The following RIMS2 variants were observed in gnomAD, a reference collection of about 807,000 sequenced individuals.
The protein encoded by RIMS2 is regulating synaptic membrane exocytosis 2, also known as regulating synaptic membrane exocytosis protein 2.
Under a neutral mutation model 174.4 loss-of-function variants are expected in RIMS2, and 59 were observed. The observed-to-expected ratio is 0.34, with a 90% CI of 0.27 to 0.42. The LOEUF (loss-of-function observed/expected upper bound fraction) is 0.42, where lower values mean the gene tolerates loss of function less well. Among genes scored for constraint, RIMS2 ranks in the 10% least tolerant of loss-of-function variants. The pLI is 1.00. For synonymous variants in RIMS2, 606 were observed against 572.5 expected (o/e 1.06, Z -0.84); for missense variants, 1,620 against 1,666.3 (o/e 0.97, Z 0.48).
At chr8:103,706,837 G>A (rs909841650) in intron 2 of RIMS2, among the ~76,000 whole-genome samples, 7 of 151,898 alleles carry the variant, frequency 4.6e-5, no homozygotes, top group African/African-American at 1.7e-4. Context: ...CTTTCTCTAG[G>A]TTTGGAAAGT....
At chr8:103,574,402 G>A (rs1298493381) in intron 1 of RIMS2, among the ~76,000 whole-genome samples, 3 of 152,126 alleles carry the variant, frequency 2.0e-5, no homozygotes, top group African/African-American at 4.8e-5. Flanking sequence ...ATAAAAGCAA[G>A]CATCTCACAG....
intron 1 of RIMS2, among the ~76,000 whole-genome samples, chr8:103,529,108 G>A (rs558575696): frequency 3.9e-5 from 6 of 152,226 alleles, no homozygotes; most frequent in South Asian, 2.1e-4. Context: ...GGTCCTTCAC[G>A]TCCCTGTAAG....
At chr8:104,037,636 CAT>C (rs755197236) in intron 19 of RIMS2, among the ~76,000 whole-genome samples, 5 of 152,108 alleles carry the variant, frequency 3.3e-5, no homozygotes, top group South Asian at 4.1e-4. Context: ...GAACTTGAGA[CAT>C]GTGTTCAGTT....
At chr8:103,598,440 T>G (rs1011892326) in intron 1 of RIMS2, among the ~76,000 whole-genome samples, 2 of 152,198 alleles carry the variant, frequency 1.3e-5, no homozygotes, top group Non-Finnish European at 2.9e-5. Context: ...TTCATCTTCC[T>G]ATTCGTAATC....
At chr8:103,580,962 T>TG (rs1193581211) in intron 1 of RIMS2, among the ~76,000 whole-genome samples, 1 of 151,336 alleles carries the variant, frequency 6.6e-6, no homozygotes, top group Admixed American at 6.6e-5. Flanking sequence ...CCCGGGTAGC[T>TG]GGGACTACAG....
At chr8:103,974,925 GA>G (rs1031307183) in intron 15 of RIMS2, among the ~76,000 whole-genome samples, 5 of 151,498 alleles carry the variant, frequency 3.3e-5, no homozygotes, top group African/African-American at 7.3e-5. Flanking sequence ...TTTTATCACT[GA>G]AAAAAAAGAT....
At chr8:103,605,980 T>A (rs1298327506) in intron 1 of RIMS2, among the ~76,000 whole-genome samples, 1 of 146,264 alleles carries the variant, frequency 6.8e-6, no homozygotes, top group Non-Finnish European at 1.5e-5. Context: ...TTTTGAAGGG[T>A]TTTTTGTGTC....
intron 20 of RIMS2, 90 bp downstream of exon 26, chr8:104,245,147 T>TC: frequency 7.8e-7 from 1 of 1,286,988 alleles, no homozygotes; most frequent in South Asian, 1.4e-5. Context: ...ACTCTCATGC[T>TC]CTTCAGAACC....
intron 1 of RIMS2, among the ~76,000 whole-genome samples, chr8:103,587,169 A>G (rs2093968899): frequency 6.6e-6 from 1 of 151,994 alleles, no homozygotes; most frequent in Non-Finnish European, 1.5e-5. Flanking sequence ...GAAATCCAAA[A>G]CCTGAACAGA....
intron 19 of RIMS2, among the ~76,000 whole-genome samples, chr8:104,173,772 G>A (rs1361143424): frequency 1.3e-5 from 2 of 150,322 alleles, no homozygotes; most frequent in African/African-American, 4.9e-5. Flanking sequence ...GGGACTACAG[G>A]CACCCGCCAC....
intron 19 of RIMS2, among the ~76,000 whole-genome samples, chr8:104,196,697 G>GT (rs1222923593): frequency 2.6e-5 from 4 of 152,038 alleles, no homozygotes; most frequent in Admixed American, 2.6e-4. Flanking sequence ...GAAGTCCAAA[G>GT]TTTATAAGCT....
At chr8:103,648,525 C>T (rs1380646689) in intron 1 of RIMS2, among the ~76,000 whole-genome samples, 4 of 152,034 alleles carry the variant, frequency 2.6e-5, no homozygotes, top group African/African-American at 9.7e-5. Flanking sequence ...TGATCTGTCT[C>T]ATATTGACAG....
At chr8:103,523,229 A>G (rs1436967517) in intron 1 of RIMS2, among the ~76,000 whole-genome samples, 1 of 152,072 alleles carries the variant, frequency 6.6e-6, no homozygotes, top group Non-Finnish European at 1.5e-5. Flanking sequence ...TTCAGTATCC[A>G]TTCTGTGTTA....
At chr8:103,887,363 TA>T (rs1412696399) in intron 4 of RIMS2, among the ~76,000 whole-genome samples, 3 of 151,636 alleles carry the variant, frequency 2.0e-5, no homozygotes. Context: ...GTTTATCTAG[TA>T]TTTTAATTTG....
At chr8:103,576,562 T>A (rs1438825264) in intron 1 of RIMS2, among the ~76,000 whole-genome samples, 1 of 152,064 alleles carries the variant, frequency 6.6e-6, no homozygotes, top group Non-Finnish European at 1.5e-5. Context: ...TTTTAAGGAA[T>A]CTAAATGATC....
chr8:103,581,443 C>T (rs1205969091), intron 1 of RIMS2, among the ~76,000 whole-genome samples: 1 of 152,092 alleles, frequency 6.6e-6, no homozygotes, highest in African/African-American at 2.4e-5. Context: ...GCCAAAGACC[C>T]TCAACACACT....
intron 19 of RIMS2, among the ~76,000 whole-genome samples, chr8:104,143,417 T>A (rs902997767): frequency 6.6e-6 from 1 of 152,162 alleles, no homozygotes; most frequent in African/African-American, 2.4e-5. Context: ...GCAAAGAACA[T>A]GCAAGAAACG....
chr8:104,011,590 G>T (rs1256171304), intron 17 of RIMS2, among the ~76,000 whole-genome samples: 3 of 151,920 alleles, frequency 2.0e-5, no homozygotes, highest in African/African-American at 7.2e-5. Context: ...TATTAAAAAT[G>T]ATTCTTCACA....
chr8:103,898,096 C>T (rs2099300797), intron 4 of RIMS2, among the ~76,000 whole-genome samples: 1 of 151,682 alleles, frequency 6.6e-6, no homozygotes, highest in Non-Finnish European at 1.5e-5. Flanking sequence ...TGACCATTCC[C>T]ATGACCACTA....
Sources: allele counts gnomAD v4.1 joint callset (sites outside exome capture counted in the v4.1 genomes callset), GRCh38; gene constraint gnomAD v4.1.1; transcripts MANE v1.5; gene names NCBI Gene and HGNC (gene_info 2026-07-23, HGNC 2026-07-21).